MYO1E: variants seen among roughly 807,000 people sequenced by gnomAD.
MYO1E encodes the protein unconventional myosin-Ie.
In MYO1E, 68 loss-of-function variants were observed where a neutral mutation model predicts 151.1. That is an observed-to-expected ratio of 0.45 (90% CI 0.37 to 0.55). The LOEUF (loss-of-function observed/expected upper bound fraction) is 0.55. MYO1E is among the 20% of genes least tolerant of loss of function. The pLI is 0.00. For synonymous variants in MYO1E, 601 were observed against 501.7 expected (o/e 1.20, Z -2.64); for missense variants, 1,363 against 1,389.3 (o/e 0.98, Z 0.30).
At chr15:59,355,637 T>C (rs1179071390) in intron 1 of MYO1E, among the ~76,000 whole-genome samples, 3 of 152,218 alleles carry the variant, frequency 2.0e-5, no homozygotes, top group Non-Finnish European at 1.5e-5. Context: ...CAAAACCACA[T>C]GCAATTTTAA....
chr15:59,353,394 G>T (rs1324415739), intron 1 of MYO1E, among the ~76,000 whole-genome samples: 1 of 96,800 alleles, frequency 1.0e-5, no homozygotes, highest in African/African-American at 3.1e-5. Context: ...GAAAAGAAAA[G>T]AAAAAAAAGA....
At chr15:59,187,126 A>T (rs1423978814) in intron 18 of MYO1E, among the ~76,000 whole-genome samples, 1 of 152,234 alleles carries the variant, frequency 6.6e-6, no homozygotes, top group African/African-American at 2.4e-5. Flanking sequence ...CCTGTGGCAC[A>T]ATTATCAAGA....
intron 1 of MYO1E, among the ~76,000 whole-genome samples, chr15:59,363,637 C>T (rs140417137): frequency 6.6e-6 from 1 of 152,316 alleles, no homozygotes; most frequent in East Asian, 1.9e-4. Flanking sequence ...CCTCCCCTCA[C>T]TACACTTTGA....
At chr15:59,301,641 G>C (rs1204304250) in intron 1 of MYO1E, among the ~76,000 whole-genome samples, 9 of 152,338 alleles carry the variant, frequency 5.9e-5, no homozygotes, top group Admixed American at 5.9e-4. Flanking sequence ...CGGTCCTTGA[G>C]GCAGCTTTAT....
intron 1 of MYO1E, among the ~76,000 whole-genome samples, chr15:59,279,176 C>T (rs576063967): frequency 1.3e-5 from 2 of 152,174 alleles, no homozygotes; most frequent in Non-Finnish European, 2.9e-5. Flanking sequence ...GCTCTTTCTG[C>T]GATACCAAAG....
chr15:59,272,556 A>G, intron 1 of MYO1E, 107 bp from the exon 2 acceptor site: 1 of 1,225,194 alleles, frequency 8.2e-7, no homozygotes, highest in Non-Finnish European at 1.2e-6. Flanking sequence ...AATGTAGCAG[A>G]AAGAGCAGTG....
intron 26 of MYO1E, among the ~76,000 whole-genome samples, chr15:59,149,921 C>G (rs2079466364): frequency 6.6e-6 from 1 of 152,184 alleles, no homozygotes; most frequent in Non-Finnish European, 1.5e-5. Context: ...GCTTCAACAG[C>G]CTCCTGTGGA....
rs2306781 is a variant in MYO1E, at chr15:59,224,676, C to G, written c.777+13G>C. On this transcript the variant is annotated intron_variant, in intron 8 of 27. Transcript: ENST00000288235. ...GGAGAGCAGATCCTGCCTGGCCCTG[C>G]GCCAGCACTTACCAGAGTTTCCTGA... The G allele has an allele frequency of 1.2e-6, 2 of 1,613,972 alleles. No individual in the cohort carries two copies. The highest frequency in any genetic ancestry group is 1.7e-5 in the Admixed American group (1 of 60,010).
intron 15 of MYO1E, 128 bp downstream of exon 15, chr15:59,205,272 C>CCT (rs2079826056): frequency 1.1e-6 from 1 of 934,668 alleles, no homozygotes; most frequent in Non-Finnish European, 1.7e-6. Context: ...AAGTGATCCT[C>CCT]CTGCCTTAGC....
intron 25 of MYO1E, 52 bp from the exon 26 acceptor site, chr15:59,153,843 C>G: frequency 1.3e-6 from 2 of 1,519,078 alleles, no homozygotes; most frequent in South Asian, 2.3e-5. Flanking sequence ...GGATCCTTTG[C>G]CAAAAGTCTC....
chr15:59,264,178 C>T (rs553925142), intron 2 of MYO1E, among the ~76,000 whole-genome samples: 2 of 151,986 alleles, frequency 1.3e-5, no homozygotes, highest in Admixed American at 6.6e-5. Flanking sequence ...AGCATCGTGT[C>T]GATTATCAAA....
intron 22 of MYO1E, among the ~76,000 whole-genome samples, chr15:59,168,948 A>G (rs1162019634): frequency 1.3e-5 from 2 of 152,216 alleles, no homozygotes; most frequent in African/African-American, 4.8e-5. Flanking sequence ...ATGTTTCAGT[A>G]CATATTATTA....
intron 2 of MYO1E, among the ~76,000 whole-genome samples, chr15:59,262,039 T>C (rs999847315): frequency 2.6e-5 from 4 of 151,900 alleles, no homozygotes; most frequent in African/African-American, 9.7e-5. Flanking sequence ...CCGTCTCTAC[T>C]AAAAATACAA....
At chr15:59,304,228 C>T (rs1254134111) in intron 1 of MYO1E, among the ~76,000 whole-genome samples, 2 of 152,214 alleles carry the variant, frequency 1.3e-5, no homozygotes, top group Non-Finnish European at 2.9e-5. Context: ...GGTGAGTCAT[C>T]TGCCTTGGCC....
At position 59,163,253 on chromosome 15, in the gene MYO1E, A is replaced by C. The variant is rs371215009; in HGVS notation, c.2531T>G (p.Leu844Trp). Reference sequence around the variant, plus strand: ...TTCAGTTTTGAAGACAGATTCAAGCAAACTGTCATACTCTTGCTCATGGAG... The same window carrying C: ...TTCAGTTTTGAAGACAGATTCAAGCCAACTGTCATACTCTTGCTCATGGAG... ...FILHEQEYDS[L>W]LESVFKTEFL... The change falls in exon 23 of 28, where the codon TTG becomes TGG. Residue 844 changes from leucine (L) to tryptophan (W), a missense_variant. Physicochemically the swap from Leu to Trp is moderately conservative, Grantham distance 61 (BLOSUM62 -2). Transcript: ENST00000288235. The C allele has an allele frequency of 6.2e-7, 1 of 1,613,990 alleles. No individual in the cohort carries two copies. Among genetic ancestry groups the C allele is most frequent in the African/African-American group, 1.3e-5 (1 of 75,064 alleles).
chr15:59,265,066 T>C (rs1596391069), intron 2 of MYO1E: 1 of 152,330 alleles, frequency 6.6e-6, no homozygotes, highest in East Asian at 1.9e-4. Flanking sequence ...TAATGATTCT[T>C]ATGGTAAACC....
intron 1 of MYO1E, among the ~76,000 whole-genome samples, chr15:59,286,870 A>T (rs2080390595): frequency 6.6e-6 from 1 of 152,140 alleles, no homozygotes; most frequent in Non-Finnish European, 1.5e-5. Flanking sequence ...TCAATGACAC[A>T]TGTTTACAAA....
At chr15:59,203,050 T>C (rs138825223) in intron 15 of MYO1E, among the ~76,000 whole-genome samples, 2 of 152,200 alleles carry the variant, frequency 1.3e-5, no homozygotes, top group African/African-American at 2.4e-5. Context: ...CTGGCCAGCA[T>C]GTGTTTGTTA....
chr15:59,210,254 T>TGA (rs1313632393), intron 13 of MYO1E, among the ~76,000 whole-genome samples: 1 of 152,184 alleles, frequency 6.6e-6, no homozygotes, highest in Non-Finnish European at 1.5e-5. Context: ...AGTCATCATG[T>TGA]GATCCTGTCT....
Sources: gnomAD v4.1 joint callset for allele counts (sites outside exome capture counted in the v4.1 genomes callset) on GRCh38, gnomAD v4.1.1 for gene constraint, MANE v1.5 for transcripts, NCBI Gene and HGNC (gene_info 2026-07-23, HGNC 2026-07-21) for gene names.